TBRG4: variants seen among roughly 807,000 people sequenced by gnomAD.
TBRG4 encodes the protein transforming growth factor beta regulator 4, also known as FAST kinase domain-containing protein 4.
A neutral mutation model predicts 65.6 loss-of-function variants in TBRG4; 43 were observed. That is an observed-to-expected ratio of 0.66 (90% CI 0.51 to 0.85). The LOEUF is 0.85. Ranked by LOEUF, TBRG4 falls within the 40% of genes least tolerant of loss-of-function variation. TBRG4 has a pLI of 0.00. For synonymous variants in TBRG4, 366 were observed against 341.4 expected (o/e 1.07, Z -0.79); for missense variants, 709 against 787.9 (o/e 0.90, Z 1.20).
chr7:45,101,118 T>C, intron 10 of TBRG4, 140 bp downstream of exon 10: 1 of 717,706 alleles, frequency 1.4e-6, no homozygotes, highest in Non-Finnish European at 2.2e-6. Context: ...GTAAACTCCC[T>C]CCCTGGGCTC....
Position 45,104,606 on chromosome 7 carries a change from GA to G in TBRG4, c.838del (p.Ser280ProfsTer11). The G allele has an allele frequency of 6.2e-7, 1 of 1,613,956 alleles. No homozygotes were observed. The highest frequency in any genetic ancestry group is 8.5e-7 in the Non-Finnish European group (1 of 1,180,040). ...GAAGGGCTTCTGCACCAGGTGGTAG[GA>G]GATGGCCCGCAGCAAGGGCACGGAC... ...RRSVPLLRAI[S>X]YHLVQKPFSL... On this transcript the variant is annotated frameshift_variant, in exon 4 of 11. Coordinates refer to ENST00000258770, the MANE Select transcript of TBRG4 (RefSeq NM_004749.4). LOFTEE classifies it high-confidence loss of function.
At chr7:45,108,801 C>A in intron 2 of TBRG4, 26 bp downstream of exon 2, 2 of 1,501,218 alleles carry the variant, frequency 1.3e-6, no homozygotes, top group Non-Finnish European at 1.8e-6. Flanking sequence ...CTTGTCTATG[C>A]TCTCAGACCA....
In TBRG4 at chr7:45,101,509, GA is replaced by G; in HGVS notation, c.1672del (p.Ser558LeufsTer4). ...PTGSQSPPPG[S>X]KRLAFLRWEF... ...CAGGTCCCTGGCCACCTACCTCTTA[GA>G]CCCTGGAGGTGGTGACTGGCTCCCA... is the stretch of plus-strand genomic sequence containing the variant. On this transcript the variant is annotated frameshift_variant, in exon 9 of 11. Coordinates refer to ENST00000258770, the MANE Select transcript of TBRG4 (RefSeq NM_004749.4). LOFTEE classifies it high-confidence loss of function. 1 of 1,613,370 alleles carries G rather than the reference GA, an allele frequency of 6.2e-7. No individual in the cohort carries two copies. Among genetic ancestry groups the G allele is most frequent in the Non-Finnish European group, 8.5e-7 (1 of 1,179,758 alleles).
chr7:45,108,091 CAGTT>C (rs1334219020), intron 2 of TBRG4, among the ~76,000 whole-genome samples: 3 of 152,244 alleles, frequency 2.0e-5, no homozygotes, highest in Non-Finnish European at 2.9e-5. Flanking sequence ...GAAAAGCACT[CAGTT>C]AGTGCAACTC....
At chr7:45,110,660 A>C (rs1785101021) in intron 1 of TBRG4, 1 of 152,080 alleles carries the variant, frequency 6.6e-6, no homozygotes, top group African/African-American at 2.4e-5. Flanking sequence ...AAAAAAGAAA[A>C]AAAATTCTAT....
chr7:45,107,070 T>C (rs940939559), intron 2 of TBRG4: 3 of 152,016 alleles, frequency 2.0e-5, no homozygotes, highest in African/African-American at 7.3e-5. Flanking sequence ...TTTTGACATA[T>C]GGGTAAAAAG....
chr7:45,101,986 G>A lies in TBRG4; in HGVS notation c.1406C>T (p.Ser469Leu), dbSNP rs1480384256. ...AGCCGAGGCAGGCAGAAGGGGACCCGAGTACTCGGGGTACTCCAGCAGGGC... is the reference window on the plus strand; with the variant it reads ...AGCCGAGGCAGGCAGAAGGGGACCCAAGTACTCGGGGTACTCCAGCAGGGC... ...ATALLEYPEYSGPLLPASAVA... is the reference protein window; with the variant it reads ...ATALLEYPEYLGPLLPASAVA... The change falls in exon 8 of 11, where the codon TCG (serine) becomes TTG (leucine). Residue 469 changes from serine (S) to leucine (L), a missense_variant. Physicochemically the swap from Ser to Leu is moderately radical, Grantham distance 145. Coordinates refer to ENST00000258770, the MANE Select transcript of TBRG4 (RefSeq NM_004749.4). The A allele has an allele frequency of 3.2e-6, 5 of 1,580,286 alleles. No individual in the cohort carries two copies. The highest frequency in any genetic ancestry group is 4.3e-6 in the Non-Finnish European group (5 of 1,165,702).
At chr7:45,102,974 T>C (rs1417710870) in intron 6 of TBRG4, 9 of 350,990 alleles carry the variant, frequency 2.6e-5, no homozygotes, top group South Asian at 2.1e-4. Flanking sequence ...CCTGGCCTGC[T>C]GGCCTCTGTG....
At position 45,103,491 on chromosome 7, in the gene TBRG4, G is replaced by GGATAGCC. The variant is rs59494919; in HGVS notation, c.1066-49_1066-48insGGCTATC. 6.8e-6 allele frequency: 10 copies of GGATAGCC among 1,481,086 alleles called. No individual in the cohort carries two copies. In the African/African-American group the frequency reaches 1.4e-4, roughly 21 times the overall value. The allele number at this position is 1,481,086 out of a possible 1,614,324, so 91.7% of individuals were successfully genotyped here. A position where few individuals can be genotyped will look rare whatever the true frequency, so the allele number is the denominator to read the frequency against. ...AGGGACAGAATAAGCTCTCTGCCCAGCACGCTGTCCTCCTGCCTGGCTCTG... is the reference window on the plus strand; with the variant it reads ...AGGGACAGAATAAGCTCTCTGCCCAGGATAGCCCACGCTGTCCTCCTGCCTGGCTCTG... On this transcript the variant is annotated intron_variant, in intron 5 of 10. Transcript: ENST00000258770.
intron 1 of TBRG4, among the ~76,000 whole-genome samples, chr7:45,111,030 C>T (rs980521727): frequency 2.0e-5 from 3 of 152,196 alleles, no homozygotes; most frequent in Non-Finnish European, 2.9e-5. Flanking sequence ...GACTGGAGTG[C>T]AATGCTGCGA....
intron 5 of TBRG4, 31 bp from the exon 6 acceptor site, chr7:45,103,474 A>T: frequency 6.5e-7 from 1 of 1,538,320 alleles, no homozygotes; most frequent in South Asian, 1.2e-5. Context: ...AGAGGGACAG[A>T]ATAAGCTCTC....
chr7:45,102,101 G>A (rs1584025167), intron 7 of TBRG4, 31 bp from the exon 8 acceptor site: 2 of 1,560,012 alleles, frequency 1.3e-6, no homozygotes, highest in South Asian at 1.2e-5. Flanking sequence ...AGAGGGAGGT[G>A]GGCCTACGGC....
chr7:45,111,415 ACG>A (rs1785119868), intron 1 of TBRG4: 3 of 299,300 alleles, frequency 1.0e-5, no homozygotes, highest in Non-Finnish European at 1.9e-5. Context: ...GGGGTCATGG[ACG>A]GTCAACAGGG....
At chr7:45,106,818 ATTTGTT>A (rs2128646081) in intron 2 of TBRG4, 1 of 152,318 alleles carries the variant, frequency 6.6e-6, no homozygotes, top group Admixed American at 6.5e-5. Flanking sequence ...CAGGAAAATA[ATTTGTT>A]TTTGAGTCAG....
chr7:45,100,298 G>A lies in TBRG4; in HGVS notation c.*27C>T. On this transcript the variant is annotated 3_prime_UTR_variant, in exon 11 of 11. Transcript: ENST00000258770. ...CCACAGCTAGACCTCCGGCGGAGAG[G>A]CACGCAGTCCATGCTGCTGGCACAA... 1 of 1,599,902 alleles carries A rather than the reference G, an allele frequency of 6.3e-7. No homozygotes were observed. Among genetic ancestry groups the A allele is most frequent in the Non-Finnish European group, 8.6e-7 (1 of 1,168,236 alleles).
Position 45,109,468 on chromosome 7 carries a change from C to A in TBRG4, c.-50-181G>T, listed in dbSNP as rs185236900. ...GTCTCACAGGATTTTTGTTTCAGTA[C>A]AGAATGCCATCAAATATCAAAACTC... On this transcript the variant is annotated intron_variant, in intron 1 of 10. Transcript: ENST00000258770. 9.8e-4 allele frequency among the ~76,000 whole-genome samples: 150 copies of A among 152,304 alleles called. 1 individual carries two copies. Among genetic ancestry groups the A allele is most frequent in the African/African-American group, 3.5e-3 (147 of 41,562 alleles).
Position 45,100,360 on chromosome 7 carries a change from T to A in TBRG4, c.1861A>T (p.Met621Leu), listed in dbSNP as rs151054640. ...AGCTCCTCAGCCACCGCTTTGCGCA[T>A]CTTGTCCTTGAGGTAGGCGCCTTTC... is the stretch of plus-strand genomic sequence containing the variant. ...WQKGAYLKDKMRKAVAEELAK is the reference protein window; with the variant it reads ...WQKGAYLKDKLRKAVAEELAK The change falls in exon 11 of 11, where the codon ATG (methionine) becomes TTG (leucine). Residue 621 changes from methionine (M) to leucine (L), a missense_variant. Coordinates refer to ENST00000258770, the MANE Select transcript of TBRG4 (RefSeq NM_004749.4). 2.2e-5 allele frequency: 35 copies of A among 1,614,086 alleles called. No individual in the cohort carries two copies. In the South Asian group the frequency reaches 3.6e-4, roughly 17 times the overall value.
intron 5 of TBRG4, 169 bp from the exon 6 acceptor site, chr7:45,103,612 CCA>C (rs1784840739): frequency 1.7e-6 from 1 of 598,822 alleles, no homozygotes; most frequent in East Asian, 2.8e-5. Flanking sequence ...TTACACAGGC[CCA>C]GACACTCCTT....
At chr7:45,102,891 A>G (rs906501720) in intron 6 of TBRG4, 7 of 303,534 alleles carry the variant, frequency 2.3e-5, no homozygotes, top group African/African-American at 1.5e-4. Flanking sequence ...AGCACTCCCC[A>G]GCCCCTGGCT....
Sources: gnomAD v4.1 joint callset for allele counts (sites outside exome capture counted in the v4.1 genomes callset) on GRCh38, gnomAD v4.1.1 for gene constraint, MANE v1.5 for transcripts, NCBI Gene and HGNC (gene_info 2026-07-23, HGNC 2026-07-21) for gene names.